TENM4: variants seen among roughly 807,000 people sequenced by gnomAD.
TENM4 encodes teneurin transmembrane protein 4, also known as teneurin-4.
Under a neutral mutation model 243.3 loss-of-function variants are expected in TENM4, and 82 were observed. The observed-to-expected ratio is 0.34, with a 90% CI of 0.28 to 0.40. The LOEUF is 0.40. TENM4 is among the 10% of genes least tolerant of loss of function. The pLI, the probability that TENM4 is intolerant of heterozygous loss-of-function variation, is 1.00. For missense variants in TENM4, 3,138 were observed against 3,673.3 expected (o/e 0.85, Z 3.77); for synonymous variants, 1,412 against 1,456.3 (o/e 0.97, Z 0.69).
Position 79,315,129 on chromosome 11 carries a change from C to A in TENM4, c.-320-17586G>T, listed in dbSNP as rs373303945. On this transcript the variant is annotated intron_variant, in intron 1 of 33. Coordinates refer to ENST00000278550, the MANE Select transcript of TENM4 (RefSeq NM_001098816.3). ...GGAGTTTACTAGAAAAAAGGATCTG[C>A]GAGAAGGGCATTCTGAGCCTTTACT... 2.0e-5 allele frequency among the ~76,000 whole-genome samples: 3 copies of A among 152,080 alleles called. No individual in the cohort carries two copies. In the East Asian group the frequency reaches 5.8e-4, roughly 29 times the overall value.
At chr11:79,429,831 A>C (rs1420121840) in intron 1 of TENM4, among the ~76,000 whole-genome samples, 3 of 152,222 alleles carry the variant, frequency 2.0e-5, no homozygotes, top group Non-Finnish European at 4.4e-5. Context: ...AGGACTCACA[A>C]CACTGTCACA....
intron 9 of TENM4, among the ~76,000 whole-genome samples, chr11:78,880,488 A>AAAAAAAAAG (rs1368857006): frequency 2.7e-5 from 3 of 112,996 alleles, no homozygotes; most frequent in African/African-American, 6.9e-5. Flanking sequence ...AAAAAAAAAA[A>AAAAAAAAAG]AGAAAGAAAA....
intron 22 of TENM4, 43 bp from the exon 23 acceptor site, chr11:78,726,265 C>G: frequency 6.2e-7 from 1 of 1,602,852 alleles, no homozygotes; most frequent in Non-Finnish European, 8.5e-7. Context: ...GTGAGCAAAG[C>G]CCACTCTTTG....
At chr11:78,825,658 C>T (rs1196314207) in intron 12 of TENM4, among the ~76,000 whole-genome samples, 1 of 152,162 alleles carries the variant, frequency 6.6e-6, no homozygotes, top group Non-Finnish European at 1.5e-5. Context: ...GGGCTTGGTC[C>T]TCCAGGAGGT....
At chr11:78,748,245 G>C (rs1178560318) in intron 19 of TENM4, among the ~76,000 whole-genome samples, 1 of 152,168 alleles carries the variant, frequency 6.6e-6, no homozygotes, top group African/African-American at 2.4e-5. Context: ...TAATACCTAA[G>C]TGTTTTACAT....
intron 3 of TENM4, among the ~76,000 whole-genome samples, chr11:79,149,860 C>G (rs1053471206): frequency 6.6e-6 from 1 of 152,196 alleles, no homozygotes; most frequent in African/African-American, 2.4e-5. Flanking sequence ...GACAAAGACA[C>G]AGTGCACAAG....
chr11:78,855,421 G>A (rs1430714164), intron 11 of TENM4, among the ~76,000 whole-genome samples: 2 of 152,204 alleles, frequency 1.3e-5, no homozygotes, highest in Admixed American at 6.5e-5. Flanking sequence ...GCATGTGTTT[G>A]AGTCAATGTG....
chr11:78,787,286 T>C (rs866055030), intron 15 of TENM4, among the ~76,000 whole-genome samples: 4 of 152,172 alleles, frequency 2.6e-5, no homozygotes, highest in Admixed American at 6.5e-5. Context: ...CCGTGGACAA[T>C]GACCCTCAGA....
chr11:79,123,297 T>C (rs1427067204), intron 4 of TENM4, among the ~76,000 whole-genome samples: 1 of 152,200 alleles, frequency 6.6e-6, no homozygotes, highest in African/African-American at 2.4e-5. Context: ...TTAGGCCCAT[T>C]TTACAGCTGA....
At chr11:79,168,680 C>T (rs1169876609) in intron 3 of TENM4, among the ~76,000 whole-genome samples, 2 of 152,100 alleles carry the variant, frequency 1.3e-5, no homozygotes, top group Non-Finnish European at 2.9e-5. Context: ...ATTCTTCCCC[C>T]CTTATATCCA....
intron 6 of TENM4, among the ~76,000 whole-genome samples, chr11:79,013,292 C>T (rs1858695955): frequency 6.6e-6 from 1 of 152,206 alleles, no homozygotes; most frequent in African/African-American, 2.4e-5. Flanking sequence ...TCAGGCTCTT[C>T]CTTGTTAATA....
chr11:79,069,960 C>T lies in TENM4; in HGVS notation c.-16G>A. 6.5e-7 allele frequency: 1 copy of T among 1,543,006 alleles called. No homozygotes were observed. The highest frequency in any genetic ancestry group is 8.7e-7 in the Non-Finnish European group (1 of 1,145,690). ...TCACGTCCATGGCCTCCGGCCCGCG[C>T]TCCTCCACATCCACAAACAGGGTCC... On this transcript the variant is annotated 5_prime_UTR_variant, in exon 5 of 34. Coordinates refer to ENST00000278550, the MANE Select transcript of TENM4 (RefSeq NM_001098816.3).
At position 78,658,154 on chromosome 11, in the gene TENM4, G is replaced by A. The variant is rs374216560; in HGVS notation, c.8214C>T (p.Asp2738=). The A allele has an allele frequency of 9.3e-6, 15 of 1,613,906 alleles. No homozygotes were observed. The highest frequency in any genetic ancestry group is 2.2e-5 in the East Asian group (1 of 44,880). Residue 2738 remains aspartate, a synonymous_variant, in exon 34 of 34, where the codon GAC becomes GAT. Transcript: ENST00000278550. The stretch of plus-strand genomic sequence containing the variant: ...GCTCGACAGAGATCACGAAAAAGCC[G>A]TCGTAGCCTTGCACCCGCCCTGTGC... The part of the protein sequence containing the change: ...VLSTGRVQGY[D]GFFVISVEQY...
intron 15 of TENM4, 53 bp downstream of exon 15, chr11:78,805,239 T>A: frequency 4.5e-6 from 6 of 1,330,086 alleles, no homozygotes; most frequent in Non-Finnish European, 6.2e-6. Context: ...GGTGACCATG[T>A]CACAGTGGAA....
chr11:79,143,082 T>C (rs149747696), intron 4 of TENM4, among the ~76,000 whole-genome samples: 8,440 of 152,088 alleles, frequency 0.055, 338 homozygotes, highest in Non-Finnish European at 0.079. Flanking sequence ...TTGGTGGGAG[T>C]GTAAACTAGT....
chr11:78,708,336 G>T, intron 27 of TENM4, 25 bp downstream of exon 27: 1 of 1,613,340 alleles, frequency 6.2e-7, no homozygotes. Flanking sequence ...CAGTCCCAGG[G>T]CTTTGGTAGA....
rs371750707 is a variant in TENM4 at position 79,298,376 on chromosome 11, G to A, written c.-320-833C>T. 1.7e-3 allele frequency among the ~76,000 whole-genome samples: 254 copies of A among 151,332 alleles called. 8 individuals carry two copies. In the South Asian group the frequency reaches 0.035, roughly 21 times the overall value. On this transcript the variant is annotated intron_variant, in intron 1 of 33. Coordinates refer to ENST00000278550, the MANE Select transcript of TENM4 (RefSeq NM_001098816.3). The stretch of plus-strand genomic sequence containing the variant: ...TAAAAATACAAAAAATTAGCCGGGC[G>A]CGGTGGCGGGCGCCTGTAGTCCCAG...
intron 3 of TENM4, among the ~76,000 whole-genome samples, chr11:79,177,220 T>C (rs575929): frequency 0.26 from 38,850 of 151,940 alleles, 5,942 homozygotes; most frequent in Non-Finnish European, 0.35. Context: ...GAAGAACTGT[T>C]CTCATTAAAG....
chr11:79,244,585 C>T (rs1389713253), intron 2 of TENM4, among the ~76,000 whole-genome samples: 1 of 152,100 alleles, frequency 6.6e-6, no homozygotes, highest in Non-Finnish European at 1.5e-5. Flanking sequence ...GCTTGCAGTA[C>T]ATCAGTTATA....
Sources: gnomAD v4.1 joint callset for allele counts (sites outside exome capture counted in the v4.1 genomes callset) on GRCh38, gnomAD v4.1.1 for gene constraint, MANE v1.5 for transcripts, NCBI Gene and HGNC (gene_info 2026-07-23, HGNC 2026-07-21) for gene names.